The following PDE7B variants were observed in gnomAD, a reference collection of about 807,000 sequenced individuals.
PDE7B encodes 3',5'-cyclic-AMP phosphodiesterase 7B.
A neutral mutation model predicts 56.2 loss-of-function variants in PDE7B; 29 were observed. That is an observed-to-expected ratio of 0.52 (90% CI 0.38 to 0.70). The LOEUF is 0.70. PDE7B is among the 30% of genes least tolerant of loss of function. PDE7B has a pLI of 0.00. For synonymous variants in PDE7B, 197 were observed against 196.9 expected (o/e 1.00, Z 0.00); for missense variants, 490 against 565.0 (o/e 0.87, Z 1.35).
intron 1 of PDE7B, among the ~76,000 whole-genome samples, chr6:135,941,150 C>G (rs17065130): frequency 6.8e-6 from 1 of 147,186 alleles, no homozygotes; most frequent in East Asian, 1.9e-4. Context: ...CTTTGCCACT[C>G]TTGGGACGGA....
intron 1 of PDE7B, among the ~76,000 whole-genome samples, chr6:135,923,565 A>C (rs1583773256): frequency 6.6e-6 from 1 of 152,328 alleles, no homozygotes; most frequent in South Asian, 2.1e-4. Context: ...AGTAGGTTAT[A>C]CCAATCTCAG....
chr6:136,107,226 G>A (rs530856659), intron 2 of PDE7B, among the ~76,000 whole-genome samples: 22 of 152,262 alleles, frequency 1.4e-4, no homozygotes, highest in African/African-American at 5.1e-4. Flanking sequence ...AAGGAGAGAG[G>A]ACTGTTCTTC....
At chr6:136,002,046 C>T (rs924269599) in intron 2 of PDE7B, among the ~76,000 whole-genome samples, 22 of 152,116 alleles carry the variant, frequency 1.4e-4, no homozygotes, top group African/African-American at 4.6e-4. Context: ...GGCCAATATT[C>T]GATATTCTTA....
intron 2 of PDE7B, among the ~76,000 whole-genome samples, chr6:136,047,679 C>G (rs1300660693): frequency 2.6e-5 from 4 of 152,088 alleles, no homozygotes; most frequent in African/African-American, 9.7e-5. Context: ...AAGCATCAAC[C>G]AAATAGGTGT....
intron 2 of PDE7B, among the ~76,000 whole-genome samples, chr6:136,056,549 T>TG (rs1776737863): frequency 8.2e-6 from 1 of 121,882 alleles, no homozygotes; most frequent in Non-Finnish European, 1.7e-5. Flanking sequence ...TTTTTTTTTT[T>TG]GACAAGAGTT....
intron 1 of PDE7B, among the ~76,000 whole-genome samples, chr6:135,918,763 A>G (rs1447748926): frequency 6.6e-6 from 1 of 152,232 alleles, no homozygotes; most frequent in Non-Finnish European, 1.5e-5. Context: ...ACAATATCTT[A>G]TGGCATTTTA....
chr6:136,038,226 G>A (rs1776359658), intron 2 of PDE7B: 1 of 1,298,948 alleles, frequency 7.7e-7, no homozygotes. Context: ...AGCAGCAGCA[G>A]CAACAGCAGC....
At chr6:136,002,476 C>T (rs1049839330) in intron 2 of PDE7B, among the ~76,000 whole-genome samples, 3 of 152,018 alleles carry the variant, frequency 2.0e-5, no homozygotes, top group African/African-American at 7.2e-5. Flanking sequence ...CAGAGACACA[C>T]ATAGGATCAA....
At chr6:135,895,351 C>T (rs528034679) in intron 1 of PDE7B, among the ~76,000 whole-genome samples, 2 of 152,202 alleles carry the variant, frequency 1.3e-5, no homozygotes, top group South Asian at 2.1e-4. Flanking sequence ...ATTTCTAACA[C>T]GCCAAATGAA....
At chr6:136,008,831 T>G (rs1260337678) in intron 2 of PDE7B, among the ~76,000 whole-genome samples, 2 of 151,910 alleles carry the variant, frequency 1.3e-5, no homozygotes, top group African/African-American at 2.4e-5. Context: ...AGAAGCTCTT[T>G]AGTTTAATTA....
intron 1 of PDE7B, among the ~76,000 whole-genome samples, chr6:135,902,640 A>G (rs1267951309): frequency 6.6e-6 from 1 of 152,068 alleles, no homozygotes; most frequent in African/African-American, 2.4e-5. Context: ...TCTTATTTTG[A>G]TCCTAGATTT....
At position 135,974,307 on chromosome 6, in the gene PDE7B, T is replaced by C. The variant is rs1389970820; in HGVS notation, c.82+26783T>C. ...TGTCTATATACATATATATATATCT[T>C]ATAAATGTGTGTATGTGTGTGTGTA... On this transcript the variant is annotated intron_variant, in intron 2 of 12. Transcript: ENST00000308191. 2.7e-5 allele frequency among the ~76,000 whole-genome samples: 4 copies of C among 148,160 alleles called. No homozygotes were observed. In the East Asian group the frequency reaches 8.1e-4, roughly 30 times the overall value.
chr6:136,029,449 C>A (rs1776203212), intron 2 of PDE7B, among the ~76,000 whole-genome samples: 1 of 152,164 alleles, frequency 6.6e-6, no homozygotes, highest in Non-Finnish European at 1.5e-5. Context: ...ATGTATGTTA[C>A]CTTGCACCTA....
At chr6:135,881,809 A>G (rs1029411665) in intron 1 of PDE7B, among the ~76,000 whole-genome samples, 3 of 152,232 alleles carry the variant, frequency 2.0e-5, no homozygotes, top group African/African-American at 7.2e-5. Context: ...ACTCTAGAAG[A>G]AGGCAGTTGA....
chr6:135,961,537 C>T (rs73558746), intron 2 of PDE7B, among the ~76,000 whole-genome samples: 2,229 of 152,118 alleles, frequency 0.015, 57 homozygotes, highest in African/African-American at 0.051. Flanking sequence ...TCAGGTGTTA[C>T]CATCAGGTTG....
intron 3 of PDE7B, among the ~76,000 whole-genome samples, chr6:136,140,222 T>C (rs1778295725): frequency 6.6e-6 from 1 of 152,232 alleles, no homozygotes; most frequent in Non-Finnish European, 1.5e-5. Context: ...ATTTATTAAA[T>C]AGGGAATCGT....
At chr6:136,047,204 C>T (rs1776526251) in intron 2 of PDE7B, 1 of 152,330 alleles carries the variant, frequency 6.6e-6, no homozygotes, top group East Asian at 1.9e-4. Flanking sequence ...CTTTCTCTGT[C>T]TCTCTCTTAA....
At chr6:135,892,793 G>T (rs1202350218) in intron 1 of PDE7B, among the ~76,000 whole-genome samples, 1 of 152,106 alleles carries the variant, frequency 6.6e-6, no homozygotes, top group African/African-American at 2.4e-5. Context: ...ACAATAAGTT[G>T]AATATTTCTC....
At chr6:136,016,030 T>C (rs574259160) in intron 2 of PDE7B, among the ~76,000 whole-genome samples, 171 of 152,334 alleles carry the variant, frequency 1.1e-3, no homozygotes, top group Non-Finnish European at 2.1e-3. Flanking sequence ...TCTTTGATGA[T>C]TTACTAAACA....
Sources: allele counts gnomAD v4.1 joint callset (sites outside exome capture counted in the v4.1 genomes callset), GRCh38; gene constraint gnomAD v4.1.1; transcripts MANE v1.5; gene names NCBI Gene and HGNC (gene_info 2026-07-23, HGNC 2026-07-21).